GOLGA7B: variants seen among roughly 807,000 people sequenced by gnomAD.
GOLGA7B encodes the protein golgin subfamily A member 7B.
GOLGA7B carries 17 observed loss-of-function variants against 21.5 expected under a neutral mutation model. That is an observed-to-expected ratio of 0.79 (90% CI 0.54 to 1.19). The LOEUF is 1.19. Ranked by LOEUF, GOLGA7B falls within the 50% of genes most tolerant of loss-of-function variation. The pLI is 0.00. For missense variants in GOLGA7B, 169 were observed against 224.4 expected, an observed-to-expected ratio of 0.75 and a Z score of 1.58; for synonymous variants, 87 against 84.0, an observed-to-expected ratio of 1.04 and a Z score of -0.19.
intron 2 of GOLGA7B, among the ~76,000 whole-genome samples, chr10:97,860,168 A>G (rs1243120838): frequency 1.3e-5 from 2 of 152,192 alleles, no homozygotes; most frequent in Non-Finnish European, 2.9e-5. Flanking sequence ...TTTTGTGGGT[A>G]CCTAGCAGGG....
Position 97,859,558 on chromosome 10 carries a change from A to G in GOLGA7B, c.113A>G (p.Lys38Arg). 1 of 1,614,062 alleles carries G rather than the reference A, an allele frequency of 6.2e-7. No individual in the cohort carries two copies. Among genetic ancestry groups the G allele is most frequent in the South Asian group, 1.1e-5 (1 of 91,068 alleles). ...GGGACCATCTGTCAGTTCCAGACCA[A>G]ATTCCCCCCAGAGCTGGACAGCCGG... Reference protein sequence around the residue: ...SDGTICQFQTKFPPELDSRIE... With the variant: ...SDGTICQFQTRFPPELDSRIE... Residue 38 changes from lysine to arginine, a missense_variant, in exon 2 of 5, where the codon AAA becomes AGA. By Grantham distance (26) the Lys-to-Arg change is conservative. Transcript: ENST00000370602.
At chr10:97,863,642 T>C (rs1156688184) in intron 2 of GOLGA7B, among the ~76,000 whole-genome samples, 1 of 152,238 alleles carries the variant, frequency 6.6e-6, no homozygotes, top group Non-Finnish European at 1.5e-5. Flanking sequence ...CAAGCAGCCA[T>C]TCTTATTCCC....
intron 2 of GOLGA7B, among the ~76,000 whole-genome samples, chr10:97,862,979 G>A (rs781128087): frequency 4.6e-5 from 7 of 152,188 alleles, no homozygotes. Context: ...GGAGGAGACG[G>A]GCCCAGGGGT....
chr10:97,852,371 G>T (rs1410775756), intron 1 of GOLGA7B, among the ~76,000 whole-genome samples: 1 of 152,122 alleles, frequency 6.6e-6, no homozygotes, highest in Non-Finnish European at 1.5e-5. Flanking sequence ...TGGTTTGAGG[G>T]CAGAGGGACA....
chr10:97,867,854 C>G lies in GOLGA7B; in HGVS notation c.*2154C>G, dbSNP rs1467297566. 1 of 152,286 alleles carries G rather than the reference C, an allele frequency of 6.6e-6. No homozygotes were observed. The highest frequency in any genetic ancestry group is 2.4e-5 in the African/African-American group (1 of 41,446). 9.4% of individuals were successfully genotyped at this position (152,286 alleles called of 1,614,324 possible). A position where few individuals can be genotyped will look rare whatever the true frequency, so the allele number is the denominator to read the frequency against. On this transcript the variant is annotated 3_prime_UTR_variant, in exon 5 of 5. Transcript: ENST00000370602. Reference sequence around the variant, plus strand: ...CCTGAACTGGACCTGACATGGGGAGCAGGATGAACTCTGTCTTCTTGGAGC... The same window carrying G: ...CCTGAACTGGACCTGACATGGGGAGGAGGATGAACTCTGTCTTCTTGGAGC...
At chr10:97,862,955 G>A (rs1364488638) in intron 2 of GOLGA7B, among the ~76,000 whole-genome samples, 1 of 152,172 alleles carries the variant, frequency 6.6e-6, no homozygotes, top group African/African-American at 2.4e-5. Context: ...CAGGGGTACT[G>A]AGTGAAGAGG....
rs563255472 is a variant in GOLGA7B at position 97,864,463 on chromosome 10, T to C, written c.393+194T>C. Among the ~76,000 whole-genome samples the C allele has an allele frequency of 3.9e-5, 6 of 152,308 alleles. 1 individual carries two copies. The East Asian group carries it at 5.8e-4, about 15-fold the overall frequency. On this transcript the variant is annotated intron_variant, in intron 4 of 4. Coordinates refer to ENST00000370602, the MANE Select transcript of GOLGA7B (RefSeq NM_001010917.3). ...GCTTTGTGAGTTTCAGGATTTGCAC[T>C]TGTTGGGCTGCATGTAATCAGTGCT... is the stretch of plus-strand genomic sequence containing the variant.
chr10:97,861,665 C>T (rs2049971920), intron 2 of GOLGA7B, among the ~76,000 whole-genome samples: 1 of 152,228 alleles, frequency 6.6e-6, no homozygotes, highest in African/African-American at 2.4e-5. Context: ...AGCCAGAAGG[C>T]AGATCCTGAG....
chr10:97,861,380 T>C (rs946488352), intron 2 of GOLGA7B, among the ~76,000 whole-genome samples: 2 of 152,218 alleles, frequency 1.3e-5, no homozygotes, highest in Non-Finnish European at 2.9e-5. Context: ...CAGGGAAAGC[T>C]TAGAGACTCA....
chr10:97,858,383 G>A (rs1564865298), intron 1 of GOLGA7B, among the ~76,000 whole-genome samples: 1 of 152,242 alleles, frequency 6.6e-6, no homozygotes, highest in Non-Finnish European at 1.5e-5. Flanking sequence ...AATGGATCCA[G>A]CTTAATTACA....
rs771051703 is a variant in GOLGA7B, at chr10:97,865,749, G to C, written c.*49G>C. 1.3e-6 allele frequency: 2 copies of C among 1,546,262 alleles called. No homozygotes were observed. The highest frequency in any genetic ancestry group is 2.4e-5 in the South Asian group (2 of 83,746). On this transcript the variant is annotated 3_prime_UTR_variant, in exon 5 of 5. Coordinates refer to ENST00000370602, the MANE Select transcript of GOLGA7B (RefSeq NM_001010917.3). ...GGTGTATGGCCGGAGTGAGGGCCTTGCAGACCTGCGGCGGCTGCGCTACCA... is the reference window on the plus strand; with the variant it reads ...GGTGTATGGCCGGAGTGAGGGCCTTCCAGACCTGCGGCGGCTGCGCTACCA...
At chr10:97,852,281 T>G (rs1053739318) in intron 1 of GOLGA7B, among the ~76,000 whole-genome samples, 9 of 152,024 alleles carry the variant, frequency 5.9e-5, no homozygotes, top group African/African-American at 1.9e-4. Context: ...ATGTGAAGCT[T>G]TGGTGGAGAG....
In GOLGA7B at chr10:97,864,170, TCTC is replaced by T; in HGVS notation, c.295_297del (p.Leu99del). On this transcript the variant is annotated inframe_deletion, in exon 4 of 5. Coordinates refer to ENST00000370602, the MANE Select transcript of GOLGA7B (RefSeq NM_001010917.3). ...TTGTCTGGCTCCTCTTTTTGCAGGT[TCTC>T]AAGAAGATTTCCCGCTACATCCAGG... 1 of 1,614,188 alleles carries T rather than the reference TCTC, an allele frequency of 6.2e-7. No individual in the cohort carries two copies. Among genetic ancestry groups the T allele is most frequent in the Non-Finnish European group, 8.5e-7 (1 of 1,180,010 alleles).
chr10:97,852,640 G>T (rs1017813904), intron 1 of GOLGA7B, among the ~76,000 whole-genome samples: 9 of 150,800 alleles, frequency 6.0e-5, no homozygotes, highest in African/African-American at 2.2e-4. Flanking sequence ...ATTCTGTTAG[G>T]ATTCTCAATA....
At chr10:97,860,823 A>G (rs2049966798) in intron 2 of GOLGA7B, among the ~76,000 whole-genome samples, 1 of 152,132 alleles carries the variant, frequency 6.6e-6, no homozygotes, top group Non-Finnish European at 1.5e-5. Context: ...GGAACTTTGA[A>G]AAAGGAAGCT....
intron 4 of GOLGA7B, among the ~76,000 whole-genome samples, chr10:97,864,620 G>T (rs973045227): frequency 6.6e-6 from 1 of 152,150 alleles, no homozygotes; most frequent in African/African-American, 2.4e-5. Context: ...GGTGAATGTG[G>T]GAGCCAGGAA....
intron 2 of GOLGA7B, among the ~76,000 whole-genome samples, chr10:97,862,690 C>T (rs1239356198): frequency 3.3e-5 from 5 of 152,040 alleles, no homozygotes; most frequent in South Asian, 2.1e-4. Context: ...TACATGGACC[C>T]ACACAGTTCA....
intron 1 of GOLGA7B, among the ~76,000 whole-genome samples, chr10:97,856,556 G>T (rs1304114304): frequency 6.6e-6 from 1 of 152,162 alleles, no homozygotes; most frequent in East Asian, 1.9e-4. Flanking sequence ...TATGAGTACA[G>T]GTGTCTTTTT....
intron 4 of GOLGA7B, chr10:97,865,216 G>A (rs1308990514): frequency 2.0e-5 from 5 of 245,866 alleles, no homozygotes; most frequent in Non-Finnish European, 3.9e-5. Context: ...CCTGAATCAG[G>A]ATTTGAACTC....
Sources: gnomAD v4.1 joint callset for allele counts (sites outside exome capture counted in the v4.1 genomes callset) on GRCh38, gnomAD v4.1.1 for gene constraint, MANE v1.5 for transcripts, NCBI Gene and HGNC (gene_info 2026-07-23, HGNC 2026-07-21) for gene names.